NBEA: variants seen among roughly 807,000 people sequenced by gnomAD.
The protein encoded by NBEA is lysosomal-trafficking regulator 2.
A neutral mutation model predicts 343.4 loss-of-function variants in NBEA; 44 were observed. That is an observed-to-expected ratio of 0.13 (90% confidence interval 0.10 to 0.16). NBEA has a LOEUF of 0.16. NBEA is among the 10% of genes least tolerant of loss of function. The pLI, the probability that NBEA is intolerant of heterozygous loss-of-function variation, is 1.00. For synonymous variants in NBEA, 1,175 were observed against 1,238.7 expected, an observed-to-expected ratio of 0.95 and a Z score of 1.08; for missense variants, 2,555 against 3,631.3, an observed-to-expected ratio of 0.70 and a Z score of 7.62.
chr13:34,996,493 T>C (rs906424070), intron 1 of NBEA, among the ~76,000 whole-genome samples: 1 of 151,914 alleles, frequency 6.6e-6, no homozygotes, highest in Non-Finnish European at 1.5e-5. Context: ...TATATATAAT[T>C]GTCAACATGA....
At chr13:35,034,381 C>A (rs566342088) in intron 1 of NBEA, among the ~76,000 whole-genome samples, 2 of 152,014 alleles carry the variant, frequency 1.3e-5, no homozygotes, top group East Asian at 3.9e-4. Context: ...GATGGGTGAT[C>A]TTTCTAATGT....
intron 38 of NBEA, among the ~76,000 whole-genome samples, chr13:35,425,571 G>C (rs2044608267): frequency 6.6e-6 from 1 of 152,156 alleles, no homozygotes; most frequent in Admixed American, 6.5e-5. Flanking sequence ...TTCCAACTAT[G>C]TGATCAATTT....
intron 44 of NBEA, among the ~76,000 whole-genome samples, chr13:35,566,053 T>C (rs1466556689): frequency 6.6e-6 from 1 of 152,166 alleles, no homozygotes; most frequent in African/African-American, 2.4e-5. Flanking sequence ...TTTCTAGATA[T>C]ATATTCATTA....
chr13:35,398,853 A>T (rs2042868535), intron 38 of NBEA, among the ~76,000 whole-genome samples: 1 of 152,112 alleles, frequency 6.6e-6, no homozygotes, highest in South Asian at 2.1e-4. Flanking sequence ...GAGAGTTAGC[A>T]TGCCCTTTGA....
chr13:35,476,933 T>A, intron 41 of NBEA: 1 of 541,356 alleles, frequency 1.8e-6, no homozygotes, highest in Non-Finnish European at 2.4e-6. Flanking sequence ...TGAAGCATAT[T>A]GACGTTTTGA....
chr13:35,126,603 G>A (rs181392470), intron 17 of NBEA, among the ~76,000 whole-genome samples: 21 of 152,108 alleles, frequency 1.4e-4, no homozygotes, highest in Admixed American at 1.2e-3. Flanking sequence ...TGAGCGACAT[G>A]GGAGAAAAAC....
chr13:35,469,099 CAAAAAAAA>C, intron 40 of NBEA, among the ~76,000 whole-genome samples: 1 of 85,028 alleles, frequency 1.2e-5, no homozygotes, highest in Non-Finnish European at 2.1e-5. Flanking sequence ...GACTCTATCT[CAAAAAAAA>C]AAAAAAAAAA....
Position 34,942,718 on chromosome 13 carries a change from T to A in NBEA, c.-103T>A. The stretch of plus-strand genomic sequence containing the variant: ...CCGGCGCCGCGGCGCTGGTGGATGC[T>A]GGGGCTCCGAGGCGACGGCCGGGGG... On this transcript the variant is annotated 5_prime_UTR_variant, in exon 1 of 59. Coordinates refer to ENST00000379939, the MANE Select transcript of NBEA (RefSeq NM_001385012.1). The A allele has an allele frequency of 1.1e-6, 1 of 934,604 alleles. No homozygotes were observed. The highest frequency in any genetic ancestry group is 1.4e-6 in the Non-Finnish European group (1 of 719,234). The allele number at this position is 934,604 out of a possible 1,614,324, so 57.9% of individuals were successfully genotyped here.
At chr13:35,268,029 C>A (rs2033830769) in intron 34 of NBEA, among the ~76,000 whole-genome samples, 1 of 151,986 alleles carries the variant, frequency 6.6e-6, no homozygotes, top group African/African-American at 2.4e-5. Context: ...GAATTGAAAG[C>A]CTGGTCTCAA....
intron 41 of NBEA, among the ~76,000 whole-genome samples, chr13:35,473,885 T>A (rs1192254983): frequency 6.6e-6 from 1 of 152,182 alleles, no homozygotes; most frequent in African/African-American, 2.4e-5. Flanking sequence ...TTAGTCAGAT[T>A]TTTAACTCAG....
chr13:35,016,503 T>C (rs2061662547), intron 1 of NBEA, among the ~76,000 whole-genome samples: 1 of 152,066 alleles, frequency 6.6e-6, no homozygotes, highest in Non-Finnish European at 1.5e-5. Flanking sequence ...AACTGTTATC[T>C]ATCAGGCACT....
intron 10 of NBEA, among the ~76,000 whole-genome samples, chr13:35,088,498 T>C (rs994136127): frequency 5.3e-5 from 8 of 151,894 alleles, no homozygotes; most frequent in African/African-American, 1.9e-4. Context: ...ATAGCTTCTA[T>C]TTAGGAAAAT....
chr13:35,125,175 C>G (rs1406912993), intron 17 of NBEA, among the ~76,000 whole-genome samples: 4 of 152,098 alleles, frequency 2.6e-5, no homozygotes, highest in African/African-American at 9.7e-5. Flanking sequence ...AAAATGTACT[C>G]TCTATCACAA....
chr13:35,531,649 G>C (rs1022317607), intron 41 of NBEA, among the ~76,000 whole-genome samples: 1 of 152,174 alleles, frequency 6.6e-6, no homozygotes, highest in African/African-American at 2.4e-5. Context: ...GTCATCTGGA[G>C]TATTACTGAG....
intron 1 of NBEA, among the ~76,000 whole-genome samples, chr13:35,028,824 T>G (rs981269207): frequency 5.9e-5 from 9 of 151,576 alleles, no homozygotes; most frequent in Non-Finnish European, 1.5e-5. Context: ...TTTCTTTCTC[T>G]ATGAACTTGG....
chr13:35,230,908 C>T (rs1350877749), intron 33 of NBEA, among the ~76,000 whole-genome samples: 2 of 152,018 alleles, frequency 1.3e-5, no homozygotes, highest in East Asian at 1.9e-4. Context: ...TAGGGTGGGG[C>T]TCAGCAGTCT....
At chr13:35,385,178 A>G (rs945928705) in intron 38 of NBEA, among the ~76,000 whole-genome samples, 1 of 152,146 alleles carries the variant, frequency 6.6e-6, no homozygotes, top group Admixed American at 6.5e-5. Flanking sequence ...GACTTCAGTA[A>G]GTTAAGGTTG....
At chr13:35,588,132 C>T (rs1186527313) in intron 46 of NBEA, among the ~76,000 whole-genome samples, 1 of 152,014 alleles carries the variant, frequency 6.6e-6, no homozygotes, top group Non-Finnish European at 1.5e-5. Context: ...TTTATATTTA[C>T]AGTGCATCTC....
chr13:34,960,773 G>C (rs2059636856), intron 1 of NBEA, among the ~76,000 whole-genome samples: 1 of 152,020 alleles, frequency 6.6e-6, no homozygotes, highest in African/African-American at 2.4e-5. Flanking sequence ...GTTTGTCTAA[G>C]TACACTCTGA....
Sources: gnomAD v4.1 joint callset for allele counts (sites outside exome capture counted in the v4.1 genomes callset) on GRCh38, gnomAD v4.1.1 for gene constraint, MANE v1.5 for transcripts, NCBI Gene and HGNC (gene_info 2026-07-23, HGNC 2026-07-21) for gene names.